The following GSPT1 variants were observed in gnomAD, a reference collection of about 807,000 sequenced individuals.
GSPT1 encodes the protein G1 to S phase transition 1, also known as eukaryotic peptide chain release factor GTP-binding subunit ERF3A.
In GSPT1, 20 loss-of-function variants were observed where a neutral mutation model predicts 72.5. The ratio of observed to expected loss-of-function variants is 0.28; its 90% CI spans 0.19 to 0.40. The LOEUF is 0.40. Ranked by LOEUF, GSPT1 falls within the 10% of genes least tolerant of loss-of-function variation. The pLI, the probability that GSPT1 is intolerant of heterozygous loss-of-function variation, is 1.00. For synonymous variants in GSPT1, 334 were observed against 293.5 expected (o/e 1.14, Z -1.41); for missense variants, 580 against 811.9 (o/e 0.71, Z 3.47).
chr16:11,913,958 C>T (rs1413420832), intron 1 of GSPT1, among the ~76,000 whole-genome samples: 1 of 152,236 alleles, frequency 6.6e-6, no homozygotes, highest in Admixed American at 6.5e-5. Flanking sequence ...TCTCCAGACA[C>T]TATCCCTTTA....
rs187385199 is a variant in GSPT1, at chr16:11,886,750, C to A, written c.1112+27G>T. On this transcript the variant is annotated intron_variant, in intron 8 of 14. Transcript: ENST00000434724. Reference sequence around the variant, plus strand: ...ACAAAACCATCCTTAATCCCACTAACATAAAATACCAGACATCTACGCTCA... The same window carrying A: ...ACAAAACCATCCTTAATCCCACTAAAATAAAATACCAGACATCTACGCTCA... 13 of 1,603,114 alleles carry A rather than the reference C, an allele frequency of 8.1e-6. No homozygotes were observed. The South Asian group carries it at 1.1e-4, about 14-fold the overall frequency.
rs955631401 is a variant in GSPT1 at position 11,915,638 on chromosome 16, G to A, written c.83C>T (p.Pro28Leu). The change falls in exon 1 of 15, where the codon CCT (proline) becomes CTT (leucine). Residue 28 changes from proline (P) to leucine (L), a missense_variant. Pro to Leu is a moderately conservative substitution (Grantham distance 98, BLOSUM62 -3). Transcript: ENST00000434724. Reference protein sequence around the residue: ...SSGSSSSDSAPDCWDQADMEA... With the variant: ...SSGSSSSDSALDCWDQADMEA... ...CATGTCCGCCTGGTCCCAGCAGTCA[G>A]GCGCCGAGTCGCTGCTGCTGCTGCC... 2.2e-5 allele frequency: 32 copies of A among 1,488,362 alleles called. No individual in the cohort carries two copies. The Admixed American group carries it at 7.3e-4, about 34-fold the overall frequency. The allele number at this position is 1,488,362 out of a possible 1,614,324, so 92.2% of individuals were successfully genotyped here.
chr16:11,900,829 T>G (rs563953497), intron 1 of GSPT1, among the ~76,000 whole-genome samples: 1 of 152,084 alleles, frequency 6.6e-6, no homozygotes, highest in East Asian at 2.0e-4. Flanking sequence ...AACTATTAGA[T>G]TTACAATACA....
chr16:11,893,470 C>T (rs1344302300), intron 5 of GSPT1, among the ~76,000 whole-genome samples: 2 of 151,538 alleles, frequency 1.3e-5, no homozygotes, highest in African/African-American at 2.4e-5. Flanking sequence ...AATGTAGGTA[C>T]TATAGAAAAG....
intron 1 of GSPT1, among the ~76,000 whole-genome samples, chr16:11,907,436 G>C (rs1041463600): frequency 6.6e-6 from 1 of 152,134 alleles, no homozygotes; most frequent in Non-Finnish European, 1.5e-5. Flanking sequence ...ATGTTGTGAA[G>C]ACTAAATAAC....
In GSPT1 at chr16:11,894,807, A is replaced by G. The variant is rs1054544038; in HGVS notation, c.698+147T>C. ...ACCAGGCCAAAAATCACTTCTTAACATCAGTATTGTGTCCCAGTAATTTTA... is the reference window on the plus strand; with the variant it reads ...ACCAGGCCAAAAATCACTTCTTAACGTCAGTATTGTGTCCCAGTAATTTTA... On this transcript the variant is annotated intron_variant, in intron 5 of 14. Coordinates refer to ENST00000434724, the MANE Select transcript of GSPT1 (RefSeq NM_002094.4). 1.1e-5 allele frequency: 6 copies of G among 567,066 alleles called. No homozygotes were observed. The African/African-American group carries it at 1.1e-4, about 11-fold the overall frequency. 35.1% of individuals were successfully genotyped at this position (567,066 alleles called of 1,614,324 possible).
At chr16:11,890,264 A>G (rs1181365856) in intron 6 of GSPT1, among the ~76,000 whole-genome samples, 1 of 152,124 alleles carries the variant, frequency 6.6e-6, no homozygotes, top group South Asian at 2.1e-4. Context: ...CAGGACTAAA[A>G]CTTTTTAATA....
At chr16:11,915,064 C>T (rs1296321654) in intron 1 of GSPT1, 1 of 1,292,050 alleles carries the variant, frequency 7.7e-7, no homozygotes, top group Non-Finnish European at 1.0e-6. Context: ...CACTCCGTTC[C>T]ATACGGTTCC....
chr16:11,915,730 G>A lies in GSPT1; in HGVS notation c.-10C>T, dbSNP rs890284922. The A allele has an allele frequency of 2.6e-6, 4 of 1,524,296 alleles. No individual in the cohort carries two copies. Among genetic ancestry groups the A allele is most frequent in the Non-Finnish European group, 3.5e-6 (4 of 1,142,482 alleles). The allele number at this position is 1,524,296 out of a possible 1,614,324, so 94.4% of individuals were successfully genotyped here. On this transcript the variant is annotated 5_prime_UTR_variant, in exon 1 of 15. Transcript: ENST00000434724. ...CACTGCCCGGATCCATGATCGGGGG[G>A]GCCGTGTGTGTGGTGGACAGAGAGC...
chr16:11,868,391 G>C lies in GSPT1; in HGVS notation c.*4728C>G, dbSNP rs954509656. On this transcript the variant is annotated 3_prime_UTR_variant, in exon 15 of 15. Coordinates refer to ENST00000434724, the MANE Select transcript of GSPT1 (RefSeq NM_002094.4). ...TTTTTTTTTTTTAAATGAGATCTAG[G>C]TATTAACCTGCTGTCTAGCGAAAAC... 2.0e-5 allele frequency: 3 copies of C among 147,666 alleles called. No homozygotes were observed. Among genetic ancestry groups the C allele is most frequent in the African/African-American group, 7.5e-5 (3 of 39,882 alleles). 9.1% of individuals were successfully genotyped at this position (147,666 alleles called of 1,614,324 possible).
At chr16:11,916,307 A>T (rs559922853), upstream of GSPT1, among the ~76,000 whole-genome samples, 97 of 152,336 alleles carry the variant, frequency 6.4e-4, no homozygotes, top group African/African-American at 2.3e-3. Flanking sequence ...TGGTTGGTGC[A>T]GCTCTGTGCT....
At chr16:11,914,969 T>C (rs2054611628) in intron 1 of GSPT1, 2 of 1,270,948 alleles carry the variant, frequency 1.6e-6, no homozygotes, top group Non-Finnish European at 2.1e-6. Flanking sequence ...CCCCAACTCC[T>C]GGGATCTCTA....
At chr16:11,910,110 G>C (rs193271230) in intron 1 of GSPT1, among the ~76,000 whole-genome samples, 1 of 152,136 alleles carries the variant, frequency 6.6e-6, no homozygotes, top group African/African-American at 2.4e-5. Context: ...AAAATAATAA[G>C]TAAAAAGTTT....
At chr16:11,885,515 A>T (rs1203012508) in intron 9 of GSPT1, among the ~76,000 whole-genome samples, 2 of 152,242 alleles carry the variant, frequency 1.3e-5, no homozygotes, top group Non-Finnish European at 2.9e-5. Flanking sequence ...CAAATAGCCT[A>T]CATGTAATAA....
At chr16:11,910,295 C>T (rs1190279985) in intron 1 of GSPT1, among the ~76,000 whole-genome samples, 2 of 152,122 alleles carry the variant, frequency 1.3e-5, no homozygotes, top group Non-Finnish European at 2.9e-5. Flanking sequence ...TTGCTGTTCT[C>T]GGCTTTGAAA....
At position 11,869,908 on chromosome 16, in the gene GSPT1, T is replaced by G. The variant is rs1269644091; in HGVS notation, c.*3211A>C. The G allele has an allele frequency of 1.3e-5, 2 of 152,208 alleles. No individual in the cohort carries two copies. Among genetic ancestry groups the G allele is most frequent in the African/African-American group, 4.8e-5 (2 of 41,452 alleles). 9.4% of individuals were successfully genotyped at this position (152,208 alleles called of 1,614,324 possible). ...GCAAAACTGCATCTGGCTGCAAGTC[T>G]AACCCAAAATATTCGCAGCGTATCA... On this transcript the variant is annotated 3_prime_UTR_variant, in exon 15 of 15. Coordinates refer to ENST00000434724, the MANE Select transcript of GSPT1 (RefSeq NM_002094.4).
chr16:11,885,421 C>T (rs2054175682), intron 9 of GSPT1, 147 bp from the exon 10 acceptor site: 1 of 586,274 alleles, frequency 1.7e-6, no homozygotes. Context: ...TTTCATCTCA[C>T]TTATTCCACA....
intron 11 of GSPT1, among the ~76,000 whole-genome samples, chr16:11,878,980 G>A (rs1373439492): frequency 1.3e-5 from 2 of 151,632 alleles, no homozygotes. Context: ...GGAGGCTTGG[G>A]CAGGAGAATC....
Position 11,875,855 on chromosome 16 carries a change from T to C in GSPT1, c.1767A>G (p.Gln589=). The C allele has an allele frequency of 6.2e-7, 1 of 1,613,838 alleles. No homozygotes were observed. Among genetic ancestry groups the C allele is most frequent in the Non-Finnish European group, 8.5e-7 (1 of 1,179,818 alleles). ...KTRPRFVKQD[Q]VCIARLRTAG... is the part of the protein sequence containing the mutation. The stretch of plus-strand genomic sequence containing the variant: ...CTGTCCTTAAGCGAGCAATGCATAC[T>C]TGATCTTGTTTGACAAAACGGGGTC... Residue 589 remains glutamine, a synonymous_variant, in exon 14 of 15, where the codon CAA becomes CAG. Transcript: ENST00000434724.
Sources: gnomAD v4.1 joint callset for allele counts (sites outside exome capture counted in the v4.1 genomes callset) on GRCh38, gnomAD v4.1.1 for gene constraint, MANE v1.5 for transcripts, NCBI Gene and HGNC (gene_info 2026-07-23, HGNC 2026-07-21) for gene names.